Variants in AMN observed in about 807,000 individuals in gnomAD.
The protein encoded by AMN is amnion associated transmembrane protein.
A neutral mutation model predicts 49.1 loss-of-function variants in AMN; 40 were observed. The ratio of observed to expected loss-of-function variants is 0.81; its 90% CI spans 0.63 to 1.06. AMN has a LOEUF of 1.06. Ranked by LOEUF, AMN falls within the 50% of genes least tolerant of loss-of-function variation. The probability of loss-of-function intolerance (pLI) is 0.00; values close to 1 mark genes in which losing one functional copy is unlikely to be tolerated. For synonymous variants in AMN, 380 were observed against 313.3 expected (o/e 1.21, Z -2.25); for missense variants, 701 against 662.8 (o/e 1.06, Z -0.63).
rs776174468 is a variant in AMN, at chr14:102,930,306, T to C, written c.1148T>C (p.Leu383Pro). The C allele has an allele frequency of 5.8e-6, 8 of 1,375,744 alleles. No individual in the cohort carries two copies. The South Asian group carries it at 1.0e-4, about 18-fold the overall frequency. 85.2% of individuals were successfully genotyped at this position (1,375,744 alleles called of 1,614,324 possible). A position where few individuals can be genotyped will look rare whatever the true frequency, so the allele number is the denominator to read the frequency against. Residue 383 changes from leucine to proline, a missense_variant, in exon 10 of 12, where the codon CTG becomes CCG. Leu to Pro is a moderately conservative substitution (Grantham distance 98). Transcript: ENST00000299155. ...LLVLLVAPPL[L>P]RRAGRLRWRR... ...GTCCTGCTGGTGGCGCCGCCGCTGC[T>C]GCGCCGCGCGGGGAGGCTCAGGTAC...
chr14:102,922,801 C>G, intron 1 of AMN, 70 bp downstream of exon 1: 1 of 1,530,240 alleles, frequency 6.5e-7, no homozygotes. Flanking sequence ...CGAGGTCGCT[C>G]TAGGCCTGGA....
chr14:102,930,349 A>G (rs1024093973), intron 10 of AMN, 22 bp downstream of exon 10: 28 of 1,417,500 alleles, frequency 2.0e-5, no homozygotes, highest in Non-Finnish European at 2.5e-5. Flanking sequence ...GGGGGCGCGG[A>G]GGTGGGGCTG....
Position 102,924,012 on chromosome 14 carries a change from G to A in AMN, c.207+33G>A, listed in dbSNP as rs540867109. On this transcript the variant is annotated intron_variant, in intron 3 of 11. Transcript: ENST00000299155. The stretch of plus-strand genomic sequence containing the variant: ...CGGGCTGCTACTGCCACTGGGCTGG[G>A]GGTTCACAGAGTCTCTGAAGCGCCT... 7 of 1,613,206 alleles carry A rather than the reference G, an allele frequency of 4.3e-6. No individual in the cohort carries two copies. The South Asian group carries it at 5.5e-5, about 13-fold the overall frequency.
rs1891284756 is a variant in AMN at position 102,929,637 on chromosome 14, C to T, written c.761-18C>T. The T allele has an allele frequency of 6.5e-7, 1 of 1,548,664 alleles. No individual in the cohort carries two copies. Among genetic ancestry groups the T allele is most frequent in the Non-Finnish European group, 8.7e-7 (1 of 1,146,804 alleles). On this transcript the variant is annotated intron_variant, in intron 7 of 11. Coordinates refer to ENST00000299155, the MANE Select transcript of AMN (RefSeq NM_030943.4). ...CGGGCCCGGATCCACGGCGCTGACC[C>T]CTGCCCTCCCGCCGCAGGAGCCGTT...
rs199873929 is a variant in AMN, at chr14:102,928,909, C to T, written c.447C>T (p.Ser149=). ...ACGTCTTCTTTCCGCCTAGTGCCTC[C>T]TTCCGCGTGGGGCTCGGCCCTGGCG... ...HDDVFFPPSA[S]FRVGLGPGAS... Residue 149 remains serine (S), a synonymous_variant, in exon 5 of 12, where the codon TCC becomes TCT. Coordinates refer to ENST00000299155, the MANE Select transcript of AMN (RefSeq NM_030943.4). 7 of 1,602,780 alleles carry T rather than the reference C, an allele frequency of 4.4e-6. No homozygotes were observed. The East Asian group carries it at 6.7e-5, about 15-fold the overall frequency.
At chr14:102,926,294 C>T (rs1049441472) in intron 3 of AMN, among the ~76,000 whole-genome samples, 3 of 152,230 alleles carry the variant, frequency 2.0e-5, no homozygotes, top group African/African-American at 7.2e-5. Context: ...CTGTGTTTCT[C>T]TCCTTAGAGT....
Position 102,930,469 on chromosome 14 carries a change from C to A in AMN, c.1233C>A (p.Phe411Leu), listed in dbSNP as rs1433912403. Residue 411 changes from phenylalanine to leucine, a missense_variant, in exon 11 of 12, where the codon TTC becomes TTA. Coordinates refer to ENST00000299155, the MANE Select transcript of AMN (RefSeq NM_030943.4). ...CCCTCGGCTTCCGCAACCCGGTGTTCGACGTGACGGCCTCCGAGGAGCTGG... is the reference window on the plus strand; with the variant it reads ...CCCTCGGCTTCCGCAACCCGGTGTTAGACGTGACGGCCTCCGAGGAGCTGG... The part of the protein sequence containing the change: ...GAPLGFRNPV[F>L]DVTASEELPL... The A allele has an allele frequency of 2.6e-6, 4 of 1,531,382 alleles. No homozygotes were observed. In the African/African-American group the frequency reaches 5.5e-5, roughly 21 times the overall value. The allele number at this position is 1,531,382 out of a possible 1,614,324, so 94.9% of individuals were successfully genotyped here. A position where few individuals can be genotyped will look rare whatever the true frequency, so the allele number is the denominator to read the frequency against.
Position 102,928,482 on chromosome 14 carries a change from A to G in AMN, c.264A>G (p.Ser88=), listed in dbSNP as rs746489250. 13 of 1,609,404 alleles carry G rather than the reference A, an allele frequency of 8.1e-6. No individual in the cohort carries two copies. The Admixed American group carries it at 8.4e-5, about 10-fold the overall frequency. ...VLASGAGFGV[S]DVGSHLDCGA... is the part of the protein sequence containing the mutation. ...CTTCAGGAGCCGGATTCGGCGTCTC[A>G]GACGTGGGCTCGCACCTGGACTGTG... The change falls in exon 4 of 12, where the codon TCA becomes TCG. Residue 88 remains serine (S), a synonymous_variant. Coordinates refer to ENST00000299155, the MANE Select transcript of AMN (RefSeq NM_030943.4).
chr14:102,930,635 T>C lies in AMN; in HGVS notation c.1317T>C (p.Ser439=). The change falls in exon 12 of 12, where the codon AGT becomes AGC. Residue 439 remains serine (S), a synonymous_variant. Transcript: ENST00000299155. ...PKAAADSTSH[S]YFVNPLFAGA... is the part of the protein sequence containing the mutation. ...CGGCCGCAGACAGCACCAGCCACAG[T>C]TACTTCGTCAACCCTCTGTTCGCCG... 2 of 1,601,738 alleles carry C rather than the reference T, an allele frequency of 1.2e-6. No individual in the cohort carries two copies. The highest frequency in any genetic ancestry group is 1.7e-6 in the Non-Finnish European group (2 of 1,175,428).
intron 3 of AMN, among the ~76,000 whole-genome samples, chr14:102,925,548 G>A (rs1254197718): frequency 3.3e-5 from 5 of 152,176 alleles, no homozygotes; most frequent in African/African-American, 1.2e-4. Context: ...GCCCGAGTGA[G>A]GGGGGCACTG....
intron 3 of AMN, among the ~76,000 whole-genome samples, chr14:102,926,957 T>C: frequency 6.6e-6 from 1 of 152,192 alleles, no homozygotes; most frequent in East Asian, 1.9e-4. Flanking sequence ...AATGGCGTGA[T>C]CACGGCTCAC....
intron 10 of AMN, 36 bp from the exon 11 acceptor site, chr14:102,930,370 C>T (rs1344351028): frequency 1.3e-6 from 2 of 1,481,686 alleles, no homozygotes; most frequent in Non-Finnish European, 1.8e-6. Flanking sequence ...GGGGTTGCTC[C>T]GAGGGGCTCA....
rs535197788 is a variant in AMN, at chr14:102,929,210, C to A, written c.603C>A (p.Gly201=). Residue 201 remains glycine (G), a synonymous_variant, in exon 6 of 12, where the codon GGC becomes GGA. Coordinates refer to ENST00000299155, the MANE Select transcript of AMN (RefSeq NM_030943.4). The part of the protein sequence containing the change: ...RFHGPGALSV[G]PEDCADPSGC... ...ACGGGCCGGGCGCGCTGAGCGTGGGCCCCGAGGACTGCGCGGACCCGTCGG... is the reference window on the plus strand; with the variant it reads ...ACGGGCCGGGCGCGCTGAGCGTGGGACCCGAGGACTGCGCGGACCCGTCGG... 330 of 1,580,072 alleles carry A rather than the reference C, an allele frequency of 2.1e-4. No homozygotes were observed. Among genetic ancestry groups the A allele is most frequent in the Non-Finnish European group, 2.6e-4 (302 of 1,171,028 alleles).
chr14:102,929,794 G>A, intron 8 of AMN, 57 bp downstream of exon 8: 2 of 1,544,112 alleles, frequency 1.3e-6, no homozygotes, highest in Non-Finnish European at 1.8e-6. Flanking sequence ...TACCGCCTCC[G>A]CCTAGGACGC....
chr14:102,924,916 G>T lies in AMN; in HGVS notation c.207+937G>T, dbSNP rs539260645. On this transcript the variant is annotated intron_variant, in intron 3 of 11. Transcript: ENST00000299155. ...ACTTTGTAATCGTTGGGGAAAAAAAGAACAATCTTTTGTGGCACTTGAAAA... is the reference window on the plus strand; with the variant it reads ...ACTTTGTAATCGTTGGGGAAAAAAATAACAATCTTTTGTGGCACTTGAAAA... Among the ~76,000 whole-genome samples, 332 of 151,980 alleles carry T rather than the reference G, an allele frequency of 2.2e-3. 2 individuals carry two copies. Among genetic ancestry groups the T allele is most frequent in the Non-Finnish European group, 3.4e-3 (233 of 67,922 alleles).
intron 1 of AMN, 66 bp from the exon 2 acceptor site, chr14:102,923,645 G>A: frequency 1.5e-5 from 21 of 1,400,804 alleles, no homozygotes; most frequent in Non-Finnish European, 2.1e-5. Flanking sequence ...TCTCTGGGTG[G>A]GTGGCCTTCC....
chr14:102,928,694 CGTGGCGTGGCGTGGT>C (rs1443154451), intron 4 of AMN, 49 bp from the exon 5 acceptor site: 19 of 1,549,688 alleles, frequency 1.2e-5, no homozygotes, highest in African/African-American at 5.4e-5. Flanking sequence ...CGTGGCGTGG[CGTGGCGTGGCGTGGT>C]GTGGCGCGGC....
chr14:102,923,422 G>A (rs1436044485), intron 1 of AMN: 6 of 454,796 alleles, frequency 1.3e-5, no homozygotes, highest in Non-Finnish European at 2.4e-5. Flanking sequence ...CTGCTCCAGC[G>A]CCAGGCAAAC....
chr14:102,930,541 G>A, intron 11 of AMN, 35 bp from the exon 12 acceptor site: 1 of 1,547,540 alleles, frequency 6.5e-7, no homozygotes, highest in Non-Finnish European at 8.7e-7. Flanking sequence ...GCCGGGACTC[G>A]GCGCCGACCG....
Sources: gnomAD v4.1 joint callset for allele counts (sites outside exome capture counted in the v4.1 genomes callset) on GRCh38, gnomAD v4.1.1 for gene constraint, MANE v1.5 for transcripts, NCBI Gene and HGNC (gene_info 2026-07-23, HGNC 2026-07-21) for gene names.